Variants in TAF11 observed in about 807,000 individuals in gnomAD.
TAF11 encodes TATA-box binding protein associated factor 11.
In TAF11, 10 loss-of-function variants were observed where a neutral mutation model predicts 23.0. The ratio of observed to expected loss-of-function variants is 0.43; its 90% CI spans 0.27 to 0.74. The LOEUF is 0.74. Among genes scored for constraint, TAF11 ranks in the 30% least tolerant of loss-of-function variants. TAF11 has a pLI of 0.19. For synonymous variants in TAF11, 85 were observed against 95.8 expected, an observed-to-expected ratio of 0.89 and a Z score of 0.66; for missense variants, 196 against 261.7, an observed-to-expected ratio of 0.75 and a Z score of 1.73.
At chr6:34,882,883 G>T in intron 2 of TAF11, 49 bp downstream of exon 2, 2 of 1,516,908 alleles carry the variant, frequency 1.3e-6, no homozygotes, top group Admixed American at 2.4e-5. Context: ...TTAAATTTGT[G>T]TGGTCAAGTG....
At chr6:34,885,420 A>G (rs1056971718) in intron 1 of TAF11, among the ~76,000 whole-genome samples, 7 of 151,992 alleles carry the variant, frequency 4.6e-5, no homozygotes, top group Non-Finnish European at 5.9e-5. Flanking sequence ...CCAGGGGGTT[A>G]GTTCTTTTTT....
chr6:34,883,341 G>A (rs573019939), intron 1 of TAF11, among the ~76,000 whole-genome samples: 14 of 151,094 alleles, frequency 9.3e-5, no homozygotes, highest in African/African-American at 3.4e-4. Context: ...CTGTTTACAA[G>A]GGTAATGAAA....
chr6:34,877,484 G>A lies in TAF11; in HGVS notation c.*1106C>T, dbSNP rs991602834. On this transcript the variant is annotated 3_prime_UTR_variant, in exon 5 of 5. Transcript: ENST00000361288. ...AGTGTACTGGTTCTGTGAACCACCT[G>A]AAAAAACAAATTAAATGTATTAAAC... 3.9e-5 allele frequency: 6 copies of A among 152,462 alleles called. No homozygotes were observed. The highest frequency in any genetic ancestry group is 1.3e-4 in the Admixed American group (2 of 15,264). 9.4% of individuals were successfully genotyped at this position (152,462 alleles called of 1,614,324 possible).
At chr6:34,885,883 A>G (rs1766516607) in intron 1 of TAF11, among the ~76,000 whole-genome samples, 1 of 152,178 alleles carries the variant, frequency 6.6e-6, no homozygotes, top group Admixed American at 6.5e-5. Flanking sequence ...GCACTTTGGG[A>G]GGCCGAGGCG....
chr6:34,883,371 C>G (rs1270097650), intron 1 of TAF11, among the ~76,000 whole-genome samples: 2 of 107,788 alleles, frequency 1.9e-5, no homozygotes, highest in African/African-American at 9.3e-5. Context: ...TCATGAAAAT[C>G]ACCCTCCCCC....
At chr6:34,882,815 A>T in intron 2 of TAF11, 117 bp downstream of exon 2, 2 of 1,260,208 alleles carry the variant, frequency 1.6e-6, no homozygotes, top group Non-Finnish European at 2.1e-6. Flanking sequence ...ATAATGTATT[A>T]ATCGTTTTAT....
chr6:34,883,065 C>T lies in TAF11; in HGVS notation c.187G>A (p.Val63Ile), dbSNP rs773861366. ...AEEGELESQD[V>I]SDLTTVERED... Reference sequence around the variant, plus strand: ...CTTTCAACTGTTGTTAAATCTGAGACATCCTGACTCTCGAGCTGGGAAGAT... The same window carrying T: ...CTTTCAACTGTTGTTAAATCTGAGATATCCTGACTCTCGAGCTGGGAAGAT... Residue 63 changes from valine to isoleucine, a missense_variant, in exon 2 of 5, where the codon GTC becomes ATC. Coordinates refer to ENST00000361288, the MANE Select transcript of TAF11 (RefSeq NM_005643.4). The T allele has an allele frequency of 2.5e-6, 4 of 1,608,968 alleles. No homozygotes were observed. Among genetic ancestry groups the T allele is most frequent in the Admixed American group, 1.7e-5 (1 of 59,106 alleles).
At position 34,880,204 on chromosome 6, in the gene TAF11, C is replaced by T. The variant is rs1016639310; in HGVS notation, c.408+85G>A. On this transcript the variant is annotated intron_variant, in intron 3 of 4. Coordinates refer to ENST00000361288, the MANE Select transcript of TAF11 (RefSeq NM_005643.4). This position sits in a 1 kb window ranked among gnomAD's most constrained non-coding sequence, Gnocchi z 4.8. ...CTAAATAATCCCCTGACTTGTCTAA[C>T]ACCTCACTTCAAATGCCAATGGACA... 6.5e-6 allele frequency: 10 copies of T among 1,542,414 alleles called. No homozygotes were observed. The Admixed American group carries it at 1.5e-4, about 24-fold the overall frequency.
rs1293225849 is a variant in TAF11 at position 34,882,871 on chromosome 6, T to C, written c.320+61A>G. ...GAAAATTTAAACACCAAGAAAAATT[T>C]ATTAAATTTGTGTGGTCAAGTGAGA... On this transcript the variant is annotated intron_variant, in intron 2 of 4. Coordinates refer to ENST00000361288, the MANE Select transcript of TAF11 (RefSeq NM_005643.4). The C allele has an allele frequency of 5.3e-6, 8 of 1,505,956 alleles. No homozygotes were observed. In the East Asian group the frequency reaches 9.5e-5, roughly 18 times the overall value. 93.3% of individuals were successfully genotyped at this position (1,505,956 alleles called of 1,614,324 possible).
At position 34,880,510 on chromosome 6, in the gene TAF11, G is replaced by A; in HGVS notation, c.321-134C>T. ...AATGGCATTAGGCTTGGTGCCTTGA[G>A]GAATGAAGATAAAACACTTCTACTC... On this transcript the variant is annotated intron_variant, in intron 2 of 4. Transcript: ENST00000361288. This position sits in a 1 kb window ranked among gnomAD's most constrained non-coding sequence, Gnocchi z 4.8. The A allele has an allele frequency of 1.4e-6, 1 of 709,988 alleles. No individual in the cohort carries two copies. The allele number at this position is 709,988 out of a possible 1,614,324, so 44.0% of individuals were successfully genotyped here.
intron 4 of TAF11, chr6:34,879,301 T>C: frequency 1.2e-6 from 1 of 809,528 alleles, no homozygotes; most frequent in Non-Finnish European, 1.5e-6. Context: ...GAGGATCCTT[T>C]GAGCCCAGGA....
At chr6:34,879,606 C>T (rs1333426346) in intron 4 of TAF11, 2 of 985,012 alleles carry the variant, frequency 2.0e-6, no homozygotes, top group Non-Finnish European at 2.4e-6. Context: ...CTAGGGATCA[C>T]AACATTAGGG....
At position 34,880,288 on chromosome 6, in the gene TAF11, C is replaced by T. The variant is rs1340533231; in HGVS notation, c.408+1G>A. 6.2e-7 allele frequency: 1 copy of T among 1,614,038 alleles called. No homozygotes were observed. The highest frequency in any genetic ancestry group is 8.5e-7 in the Non-Finnish European group (1 of 1,179,950). On this transcript the variant is annotated splice_donor_variant, in intron 3 of 4. Transcript: ENST00000361288. LOFTEE classifies it high-confidence loss of function. This position sits in a 1 kb window ranked among gnomAD's most constrained non-coding sequence, Gnocchi z 4.8. The stretch of plus-strand genomic sequence containing the variant: ...GATGAAGTGTGGTGGTCCATCCTTA[C>T]CCTTTTGATGGCTGCCTTAGGGAAA...
Position 34,879,949 on chromosome 6 carries a change from G to C in TAF11, c.505+18C>G. On this transcript the variant is annotated intron_variant, in intron 4 of 4. Transcript: ENST00000361288. Reference sequence around the variant, plus strand: ...CCACCACAGGTACAATCCAGTATTTGTAACCAACACTACTCACCTTCTTCT... The same window carrying C: ...CCACCACAGGTACAATCCAGTATTTCTAACCAACACTACTCACCTTCTTCT... 2 of 1,609,842 alleles carry C rather than the reference G, an allele frequency of 1.2e-6. No individual in the cohort carries two copies. The highest frequency in any genetic ancestry group is 1.7e-6 in the Non-Finnish European group (2 of 1,176,528).
chr6:34,884,121 T>G (rs1367997379), intron 1 of TAF11, among the ~76,000 whole-genome samples: 2 of 152,200 alleles, frequency 1.3e-5, no homozygotes, highest in Non-Finnish European at 2.9e-5. Context: ...ACACTTATGT[T>G]CATTGCAGTG....
chr6:34,884,106 C>A (rs574995385), intron 1 of TAF11, among the ~76,000 whole-genome samples: 1 of 152,200 alleles, frequency 6.6e-6, no homozygotes, highest in Non-Finnish European at 1.5e-5. Context: ...TATAAAGACA[C>A]ATCCACACTT....
At chr6:34,878,750 T>G in intron 4 of TAF11, 30 bp from the exon 5 acceptor site, 1 of 1,580,456 alleles carries the variant, frequency 6.3e-7, no homozygotes. Context: ...AAAGTCTGAT[T>G]ATCACACAAT....
chr6:34,883,381 C>CG (rs1766479238), intron 1 of TAF11, among the ~76,000 whole-genome samples: 1 of 151,798 alleles, frequency 6.6e-6, no homozygotes, highest in Non-Finnish European at 1.5e-5. Context: ...CACCCTCCCC[C>CG]GGGCCCACTC....
In TAF11 at chr6:34,880,126, C is replaced by G; in HGVS notation, c.409-63G>C. 1 of 1,558,936 alleles carries G rather than the reference C, an allele frequency of 6.4e-7. No individual in the cohort carries two copies. The highest frequency in any genetic ancestry group is 8.8e-7 in the Non-Finnish European group (1 of 1,133,752). ...CAAAGACTGGCTTTGGAACACAGTA[C>G]CAAGTAATTCACAGAAAAAGGTAAG... On this transcript the variant is annotated intron_variant, in intron 3 of 4. Transcript: ENST00000361288. This position sits in a 1 kb window ranked among gnomAD's most constrained non-coding sequence, Gnocchi z 4.8.
Sources: allele counts gnomAD v4.1 joint callset (sites outside exome capture counted in the v4.1 genomes callset), GRCh38; gene constraint gnomAD v4.1.1; non-coding constraint Gnocchi (gnomAD v3.1); transcripts MANE v1.5; gene names NCBI Gene and HGNC (gene_info 2026-07-23, HGNC 2026-07-21).